GPC2: variants seen among roughly 807,000 people sequenced by gnomAD.
GPC2 encodes the protein glypican-2.
GPC2 carries 42 observed loss-of-function variants against 57.3 expected under a neutral mutation model. The observed-to-expected ratio is 0.73, with a 90% CI of 0.57 to 0.95. GPC2 has a LOEUF of 0.95. GPC2 is among the 40% of genes least tolerant of loss of function. The pLI is 0.00. For missense variants in GPC2, 745 were observed against 793.6 expected (o/e 0.94, Z 0.74); for synonymous variants, 364 against 343.4 (o/e 1.06, Z -0.66).
Position 100,171,703 on chromosome 7 carries a change from C to A in GPC2, c.1171-25G>T, listed in dbSNP as rs1799181467. ...CCTGGGCGGGCGAGAGGGGGCGGGG[C>A]GAGCTGGAGCGCGACCCCCACAACC... On this transcript the variant is annotated intron_variant, in intron 7 of 9. Coordinates refer to ENST00000292377, the MANE Select transcript of GPC2 (RefSeq NM_152742.3). The surrounding 1 kb of genome is among the most constrained non-coding windows in gnomAD (Gnocchi z 4.8). 1.4e-6 allele frequency: 2 copies of A among 1,477,212 alleles called. No homozygotes were observed. Among genetic ancestry groups the A allele is most frequent in the Non-Finnish European group, 1.8e-6 (2 of 1,123,808 alleles). The allele number at this position is 1,477,212 out of a possible 1,614,324, so 91.5% of individuals were successfully genotyped here. A position where few individuals can be genotyped will look rare whatever the true frequency, so the allele number is the denominator to read the frequency against.
At chr7:100,176,119 G>T in intron 2 of GPC2, 88 bp downstream of exon 2, 3 of 1,290,740 alleles carry the variant, frequency 2.3e-6, no homozygotes, top group South Asian at 1.4e-5. Flanking sequence ...CTTCACAGAT[G>T]GAGTAAGGAG....
At chr7:100,172,683 G>GTATATATATATATA (rs1562957567) in intron 5 of GPC2, among the ~76,000 whole-genome samples, 4 of 103,638 alleles carry the variant, frequency 3.9e-5, no homozygotes, top group African/African-American at 1.1e-4. Context: ...GTGTGTGTGT[G>GTATATATATATATA]TGTATATATA....
At position 100,173,981 on chromosome 7, in the gene GPC2, C is replaced by T; in HGVS notation, c.746G>A (p.Gly249Asp). ...GAGACGCATCAGAGCCTGGCTGCAG[C>T]CTTCAGACACCGGCACCTGGGGGCA... ...SEALKVPVSE[G>D]CSQALMRLIG... Residue 249 changes from glycine (G) to aspartate (D), a missense_variant, in exon 5 of 10, where the codon GGC (glycine) becomes GAC (aspartate). Coordinates refer to ENST00000292377, the MANE Select transcript of GPC2 (RefSeq NM_152742.3). The T allele has an allele frequency of 6.3e-7, 1 of 1,579,072 alleles. No homozygotes were observed. The highest frequency in any genetic ancestry group is 2.4e-5 in the East Asian group (1 of 42,354).
intron 4 of GPC2, chr7:100,174,375 G>T: frequency 1.9e-6 from 1 of 533,106 alleles, no homozygotes; most frequent in Non-Finnish European, 3.4e-6. Flanking sequence ...TGGAGTCATT[G>T]AGGGATCCTG....
At chr7:100,170,963 C>A in intron 9 of GPC2, 1 of 367,930 alleles carries the variant, frequency 2.7e-6, no homozygotes, top group Non-Finnish European at 4.9e-6. Context: ...GGCTTCCCAG[C>A]CTCCCCCAAA....
In GPC2 at chr7:100,171,598, G is replaced by T. The variant is rs1320375166; in HGVS notation, c.1251C>A (p.Arg417=). ...CCTCCAGCGAGGCGTCCGCTGCCAT[G>T]CGAGAGTCTCCGCACACCGTCAGGG... ...RLSLTVCGDS[R]MAADASLEAA... is the part of the protein sequence containing the mutation. Residue 417 remains arginine (R), a synonymous_variant, in exon 8 of 10, where the codon CGC becomes CGA. Coordinates refer to ENST00000292377, the MANE Select transcript of GPC2 (RefSeq NM_152742.3). The surrounding 1 kb of genome is among the most constrained non-coding windows in gnomAD (Gnocchi z 4.8). The T allele has an allele frequency of 6.6e-7, 1 of 1,525,352 alleles. No individual in the cohort carries two copies. The highest frequency in any genetic ancestry group is 8.7e-7 in the Non-Finnish European group (1 of 1,148,954). 94.5% of individuals were successfully genotyped at this position (1,525,352 alleles called of 1,614,324 possible).
chr7:100,170,949 C>T lies in GPC2; in HGVS notation c.1486+312G>A, dbSNP rs994920778. ...GGAGCCAGCTCAATGTCACCCACCA[C>T]CCTGGCTTCCCAGCCTCCCCCAAAT... On this transcript the variant is annotated intron_variant, in intron 9 of 9. Transcript: ENST00000292377. The T allele has an allele frequency of 1.7e-5, 6 of 360,268 alleles. No homozygotes were observed. In the South Asian group the frequency reaches 3.2e-4, roughly 19 times the overall value. The allele number at this position is 360,268 out of a possible 1,614,324, so 22.3% of individuals were successfully genotyped here. A position where few individuals can be genotyped will look rare whatever the true frequency, so the allele number is the denominator to read the frequency against.
intron 3 of GPC2, 123 bp downstream of exon 3, chr7:100,175,449 A>G (rs1799249904): frequency 1.3e-6 from 1 of 748,688 alleles, no homozygotes; most frequent in Non-Finnish European, 2.2e-6. Flanking sequence ...AATGGCTTCA[A>G]TGCAGGATGG....
In GPC2 at chr7:100,171,530, G is replaced by A. The variant is rs1799177120; in HGVS notation, c.1310+9C>T. The A allele has an allele frequency of 7.1e-7, 1 of 1,416,308 alleles. No homozygotes were observed. The highest frequency in any genetic ancestry group is 9.2e-7 in the Non-Finnish European group (1 of 1,092,270). 87.7% of individuals were successfully genotyped at this position (1,416,308 alleles called of 1,614,324 possible). On this transcript the variant is annotated intron_variant, in intron 8 of 9. Coordinates refer to ENST00000292377, the MANE Select transcript of GPC2 (RefSeq NM_152742.3). This position sits in a 1 kb window ranked among gnomAD's most constrained non-coding sequence, Gnocchi z 4.8. The stretch of plus-strand genomic sequence containing the variant: ...CCCCCTGCTGCCCCCCGACGCCCCC[G>A]AGGCTCACCGGCCCCGCCCGGCTCC...
Position 100,177,157 on chromosome 7 carries a change from A to C in GPC2, c.43T>G (p.Cys15Gly). Residue 15 changes from cysteine to glycine, a missense_variant, in exon 1 of 10, where the codon TGT becomes GGT. By Grantham distance (159) the Cys-to-Gly change is radical. Transcript: ENST00000292377. ...RPLLLLLLPL[C>G]PGPGPGPGSE... ...CCGGGTCCGGGACCAGGACCGGGAC[A>C]CAGAGGCAGCAGCAGAAGCAGGAGA... 2.5e-6 allele frequency: 4 copies of C among 1,613,904 alleles called. No homozygotes were observed. The highest frequency in any genetic ancestry group is 3.4e-6 in the Non-Finnish European group (4 of 1,179,922).
rs1389608939 is a variant in GPC2 at position 100,171,570 on chromosome 7, C to T, written c.1279G>A (p.Ala427Thr). The T allele has an allele frequency of 2.0e-6, 3 of 1,498,406 alleles. No homozygotes were observed. Among genetic ancestry groups the T allele is most frequent in the Admixed American group, 2.2e-5 (1 of 44,718 alleles). The allele number at this position is 1,498,406 out of a possible 1,614,324, so 92.8% of individuals were successfully genotyped here. The change falls in exon 8 of 10, where the codon GCG (alanine) becomes ACG (threonine). Residue 427 changes from alanine to threonine, a missense_variant. Around this residue, in one of 2 missense-constraint regions of GPC2, gnomAD observed 607 missense variants for 603.9 expected, o/e 1.01. Coordinates refer to ENST00000292377, the MANE Select transcript of GPC2 (RefSeq NM_152742.3). The surrounding 1 kb of genome is among the most constrained non-coding windows in gnomAD (Gnocchi z 4.8). ...CGCCCGGCTCCGGTCCAGCAGGGCGCCGCCTCCAGCGAGGCGTCCGCTGCC... is the reference window on the plus strand; with the variant it reads ...CGCCCGGCTCCGGTCCAGCAGGGCGTCGCCTCCAGCGAGGCGTCCGCTGCC... ...RMAADASLEA[A>T]PCWTGAGRGR...
In GPC2 at chr7:100,171,324, G is replaced by C; in HGVS notation, c.1423C>G (p.Arg475Gly). 6.5e-7 allele frequency: 1 copy of C among 1,540,244 alleles called. No homozygotes were observed. The highest frequency in any genetic ancestry group is 8.8e-7 in the Non-Finnish European group (1 of 1,142,416). Residue 475 changes from arginine (R) to glycine (G), a missense_variant, in exon 9 of 10, where the codon CGG (arginine) becomes GGG (glycine). Around this residue, in one of 2 missense-constraint regions of GPC2, gnomAD observed 607 missense variants for 603.9 expected, o/e 1.01. Transcript: ENST00000292377. The surrounding 1 kb of genome is among the most constrained non-coding windows in gnomAD (Gnocchi z 4.8). ...VPTRRRRLQL[R>G]AATARMKTAA... Reference sequence around the variant, plus strand: ...GTTTTCATTCTGGCCGTGGCCGCCCGGAGCTGTAGCCGACGCCGCCGTGTC... The same window carrying C: ...GTTTTCATTCTGGCCGTGGCCGCCCCGAGCTGTAGCCGACGCCGCCGTGTC...
rs1385620967 is a variant in GPC2 at position 100,177,031 on chromosome 7, C to T, written c.166+3G>A. On this transcript the variant is annotated splice_donor_region_variant and intron_variant, in intron 1 of 9. Transcript: ENST00000292377. ...ATTCTCTAGTCTTCCTCTTTCTCCT[C>T]ACCTGAGATCAGGGCGGGAGGGATT... 3 of 1,198,584 alleles carry T rather than the reference C, an allele frequency of 2.5e-6. No homozygotes were observed. Among genetic ancestry groups the T allele is most frequent in the Non-Finnish European group, 3.4e-6 (3 of 884,704 alleles). The allele number at this position is 1,198,584 out of a possible 1,614,324, so 74.2% of individuals were successfully genotyped here. A position where few individuals can be genotyped will look rare whatever the true frequency, so the allele number is the denominator to read the frequency against.
intron 5 of GPC2, 186 bp downstream of exon 5, chr7:100,173,648 CT>C (rs756076294): frequency 3.0e-5 from 13 of 436,682 alleles, no homozygotes; most frequent in Non-Finnish European, 4.8e-5. Flanking sequence ...TTCTTTCTTT[CT>C]CTGTCTCTCT....
At position 100,170,267 on chromosome 7, in the gene GPC2, A is replaced by G. The variant is rs1799154763; in HGVS notation, c.1703T>C (p.Leu568Pro). 6.3e-7 allele frequency: 1 copy of G among 1,579,128 alleles called. No homozygotes were observed. Among genetic ancestry groups the G allele is most frequent in the African/African-American group, 1.4e-5 (1 of 73,568 alleles). ...IGFHTQTILILSLSALALLGP... is the reference protein window; with the variant it reads ...IGFHTQTILIPSLSALALLGP... ...AAGCAGGGCCAGGGCTGAGAGGGAG[A>G]GAATGAGGATGGTTTGGGTGTGAAA... is the stretch of plus-strand genomic sequence containing the variant. Residue 568 changes from leucine to proline, a missense_variant, in exon 10 of 10, where the codon CTC becomes CCC. This residue lies in a region of GPC2 where 607 missense variants were observed against 603.9 expected (regional missense o/e 1.01). Coordinates refer to ENST00000292377, the MANE Select transcript of GPC2 (RefSeq NM_152742.3).
rs748268440 is a variant in GPC2, at chr7:100,171,579, G to T, written c.1270C>A (p.Leu424Met). ...CCGGTCCAGCAGGGCGCCGCCTCCAGCGAGGCGTCCGCTGCCATGCGAGAG... is the reference window on the plus strand; with the variant it reads ...CCGGTCCAGCAGGGCGCCGCCTCCATCGAGGCGTCCGCTGCCATGCGAGAG... Reference protein sequence around the residue: ...GDSRMAADASLEAAPCWTGAG... With the variant: ...GDSRMAADASMEAAPCWTGAG... The change falls in exon 8 of 10, where the codon CTG becomes ATG. Residue 424 changes from leucine to methionine, a missense_variant. Around this residue, in one of 2 missense-constraint regions of GPC2, gnomAD observed 607 missense variants for 603.9 expected, o/e 1.01. Transcript: ENST00000292377. This position sits in a 1 kb window ranked among gnomAD's most constrained non-coding sequence, Gnocchi z 4.8. 1.3e-4 allele frequency: 190 copies of T among 1,507,666 alleles called. No homozygotes were observed. Among genetic ancestry groups the T allele is most frequent in the Non-Finnish European group, 1.6e-4 (185 of 1,139,984 alleles). The allele number at this position is 1,507,666 out of a possible 1,614,324, so 93.4% of individuals were successfully genotyped here.
chr7:100,170,522 G>C, intron 9 of GPC2, 39 bp from the exon 10 acceptor site: 3 of 1,428,002 alleles, frequency 2.1e-6, no homozygotes, highest in Non-Finnish European at 2.8e-6. Flanking sequence ...ATGGGAGGGA[G>C]AAGCAGAGGG....
intron 5 of GPC2, chr7:100,173,443 C>CT (rs56196002): frequency 0.17 from 23,704 of 141,830 alleles, 2,296 homozygotes; most frequent in Middle Eastern, 0.36. Context: ...TAATTTCTTT[C>CT]TTTTTTTTTT....
intron 1 of GPC2, 110 bp from the exon 2 acceptor site, chr7:100,176,475 T>A: frequency 2.0e-6 from 2 of 1,024,502 alleles, no homozygotes; most frequent in Non-Finnish European, 2.9e-6. Context: ...CTGGTCTCTT[T>A]TCTATTGTCT....
Sources: allele counts gnomAD v4.1 joint callset (sites outside exome capture counted in the v4.1 genomes callset), GRCh38; gene constraint gnomAD v4.1.1; regional missense constraint gnomAD v4.1.1; non-coding constraint Gnocchi (gnomAD v3.1); transcripts MANE v1.5; gene names NCBI Gene and HGNC (gene_info 2026-07-23, HGNC 2026-07-21).